The following TBC1D31 variants were observed in gnomAD, a reference collection of about 807,000 sequenced individuals.
TBC1D31 encodes TBC1 domain family member 31, also known as WD repeat domain 67.
TBC1D31 carries 99 observed loss-of-function variants against 132.9 expected under a neutral mutation model. The observed-to-expected ratio is 0.74, with a 90% confidence interval of 0.63 to 0.88. The LOEUF (loss-of-function observed/expected upper bound fraction) is 0.88, where lower values mean the gene tolerates loss of function less well. TBC1D31 is among the 40% of genes least tolerant of loss of function. The probability of loss-of-function intolerance (pLI) is 0.00; values close to 1 mark genes in which losing one functional copy is unlikely to be tolerated. For missense variants in TBC1D31, 1,134 were observed against 1,256.6 expected, an observed-to-expected ratio of 0.90 and a Z score of 1.48; for synonymous variants, 385 against 419.4, an observed-to-expected ratio of 0.92 and a Z score of 1.00.
intron 17 of TBC1D31, 126 bp downstream of exon 17, chr8:123,134,332 GACCA>G: frequency 1.1e-5 from 8 of 696,860 alleles, no homozygotes; most frequent in Non-Finnish European, 2.0e-5. Flanking sequence ...AGGAATTCCA[GACCA>G]GACCTGGGCA....
intron 20 of TBC1D31, among the ~76,000 whole-genome samples, chr8:123,146,829 C>T (rs1036958825): frequency 6.6e-6 from 1 of 151,946 alleles, no homozygotes; most frequent in Non-Finnish European, 1.5e-5. Flanking sequence ...GGACTACAGG[C>T]GCATGCCACC....
intron 5 of TBC1D31, among the ~76,000 whole-genome samples, 188 bp from the exon 6 acceptor site, chr8:123,097,094 A>G (rs1816905842): frequency 6.6e-6 from 1 of 152,232 alleles, no homozygotes. Context: ...CAAATTAAAT[A>G]AAATTTAAAA....
In TBC1D31 at chr8:123,084,205, A is replaced by G; in HGVS notation, c.384A>G (p.Ser128=). The change falls in exon 4 of 22, where the codon TCA becomes TCG. Residue 128 remains serine (S), a synonymous_variant. Coordinates refer to ENST00000287380, the MANE Select transcript of TBC1D31 (RefSeq NM_145647.4). ...GCTGGATGAGAGGACATGAATCATC[A>G]GTATTTTCGATCTCTGTGCATGCAT... The part of the protein sequence containing the change: ...LVSWMRGHES[S]VFSISVHASG... 6.2e-7 allele frequency: 1 copy of G among 1,614,214 alleles called. No individual in the cohort carries two copies. Among genetic ancestry groups the G allele is most frequent in the Non-Finnish European group, 8.5e-7 (1 of 1,180,036 alleles).
intron 11 of TBC1D31, among the ~76,000 whole-genome samples, chr8:123,121,160 A>T (rs1819442672): frequency 1.3e-5 from 2 of 151,768 alleles, no homozygotes; most frequent in South Asian, 4.2e-4. Flanking sequence ...GTTTCACCAC[A>T]TTGGCCAGGC....
intron 6 of TBC1D31, among the ~76,000 whole-genome samples, chr8:123,098,670 A>G (rs1039549683): frequency 6.6e-6 from 1 of 152,206 alleles, no homozygotes; most frequent in Non-Finnish European, 1.5e-5. Flanking sequence ...GTTGCAGTTT[A>G]TTTTTTAAAC....
chr8:123,088,260 C>T (rs1367273306), intron 4 of TBC1D31, among the ~76,000 whole-genome samples: 1 of 151,904 alleles, frequency 6.6e-6, no homozygotes, highest in Non-Finnish European at 1.5e-5. Flanking sequence ...CTTAAAGGGC[C>T]AGTAAATATT....
intron 1 of TBC1D31, among the ~76,000 whole-genome samples, chr8:123,074,569 C>G (rs1018934736): frequency 3.3e-5 from 5 of 152,188 alleles, no homozygotes; most frequent in African/African-American, 1.2e-4. Flanking sequence ...GCCCACTCGC[C>G]TTCTCTTTCT....
downstream of TBC1D31, among the ~76,000 whole-genome samples, chr8:123,153,076 C>G (rs546106668): frequency 5.3e-5 from 8 of 152,232 alleles, no homozygotes; most frequent in South Asian, 1.7e-3. Flanking sequence ...ATTGGTTTCC[C>G]AAGAGTATTT....
intron 10 of TBC1D31, among the ~76,000 whole-genome samples, chr8:123,114,647 CTT>C (rs1164181905): frequency 6.6e-6 from 1 of 152,058 alleles, no homozygotes; most frequent in Non-Finnish European, 1.5e-5. Context: ...TTAAAAGTAA[CTT>C]TAAAGTATTC....
At chr8:123,159,268 G>GGAAA in the TBC1D31 span, among the ~76,000 whole-genome samples, 1 of 93,942 alleles carries the variant, frequency 1.1e-5, no homozygotes, top group South Asian at 3.5e-4. Context: ...ATTTGAACAG[G>GGAAA]AAAAAAAAAA....
chr8:123,161,862 C>CA, the TBC1D31 span, among the ~76,000 whole-genome samples: 1 of 151,502 alleles, frequency 6.6e-6, no homozygotes. Context: ...ACTAAAAATA[C>CA]AAAAAATTAG....
chr8:123,143,949 TG>T (rs2130925404), intron 19 of TBC1D31, among the ~76,000 whole-genome samples: 1 of 152,322 alleles, frequency 6.6e-6, no homozygotes, highest in African/African-American at 2.4e-5. Flanking sequence ...TCTAGTGTCT[TG>T]CGTTGTAAAG....
At chr8:123,079,004 G>C (rs1254643255) in intron 2 of TBC1D31, among the ~76,000 whole-genome samples, 1 of 152,170 alleles carries the variant, frequency 6.6e-6, no homozygotes, top group African/African-American at 2.4e-5. Context: ...AAAGAACACG[G>C]CATCATTTCT....
Position 123,140,836 on chromosome 8 carries a change from C to G in TBC1D31, c.2575C>G (p.Leu859Val), listed in dbSNP as rs766882367. Residue 859 changes from leucine to valine, a missense_variant, in exon 18 of 22, where the codon CTT becomes GTT. By Grantham distance (32) the Leu-to-Val change is conservative (BLOSUM62 1). Transcript: ENST00000287380. ...AGATGCCTATAGACGAAAAGTGGAT[C>G]TTGAAGAACACATGTTTCATAAGCT... ...DADAYRRKVD[L>V]EEHMFHKLIE... The G allele has an allele frequency of 6.2e-7, 1 of 1,613,542 alleles. No individual in the cohort carries two copies.
chr8:123,082,943 G>A (rs1815323289), intron 3 of TBC1D31, 126 bp downstream of exon 3: 3 of 633,652 alleles, frequency 4.7e-6, no homozygotes, highest in South Asian at 2.0e-5. Flanking sequence ...CAGACACTAG[G>A]TGCAAGCTGA....
Position 123,126,571 on chromosome 8 carries a change from A to T in TBC1D31, c.1768A>T (p.Lys590Ter). ...AGTGCTGACAAGAGAGGAGTGGCTG[A>T]AATTGTTCGATAATATCTTTTCCAA... ...SEVLTREEWL[K>*]LFDNIFSNHP... The change falls in exon 13 of 22, where the codon AAA becomes TAA. Residue 590 changes from lysine (K) to a stop codon, truncating the protein, a stop_gained. Coordinates refer to ENST00000287380, the MANE Select transcript of TBC1D31 (RefSeq NM_145647.4). LOFTEE classifies it high-confidence loss of function. 6.2e-7 allele frequency: 1 copy of T among 1,614,050 alleles called. No individual in the cohort carries two copies. The highest frequency in any genetic ancestry group is 2.2e-5 in the East Asian group (1 of 44,862).
intron 19 of TBC1D31, 109 bp from the exon 20 acceptor site, chr8:123,144,608 G>A (rs1822006384): frequency 9.4e-7 from 1 of 1,062,986 alleles, no homozygotes; most frequent in East Asian, 2.6e-5. Flanking sequence ...TACTTGCCAT[G>A]GGAATATAAA....
intron 10 of TBC1D31, among the ~76,000 whole-genome samples, chr8:123,119,143 TTGATAATA>T (rs1333207824): frequency 6.6e-6 from 1 of 152,236 alleles, no homozygotes; most frequent in Non-Finnish European, 1.5e-5. Flanking sequence ...TTAAAAATCA[TTGATAATA>T]TGCGGCCAAG....
chr8:123,093,966 T>TTGTG (rs776616323), intron 5 of TBC1D31, among the ~76,000 whole-genome samples: 1 of 151,994 alleles, frequency 6.6e-6, no homozygotes, highest in African/African-American at 2.4e-5. Context: ...TTTTTTTTGT[T>TTGTG]TGTGTGTGTG....
Sources: gnomAD v4.1 joint callset for allele counts (sites outside exome capture counted in the v4.1 genomes callset) on GRCh38, gnomAD v4.1.1 for gene constraint, MANE v1.5 for transcripts, NCBI Gene and HGNC (gene_info 2026-07-23, HGNC 2026-07-21) for gene names.